FTO: variants seen among roughly 807,000 people sequenced by gnomAD.
The protein encoded by FTO is FTO alpha-ketoglutarate dependent dioxygenase.
A neutral mutation model predicts 63.9 loss-of-function variants in FTO; 47 were observed. The observed-to-expected ratio is 0.74, with a 90% CI of 0.58 to 0.94. The LOEUF is 0.94. Among genes scored for constraint, FTO ranks in the 40% least tolerant of loss-of-function variants. The pLI is 0.00. For missense variants in FTO, 562 were observed against 618.1 expected, an observed-to-expected ratio of 0.91 and a Z score of 0.96; for synonymous variants, 207 against 224.4, an observed-to-expected ratio of 0.92 and a Z score of 0.69.
At chr16:53,826,611 ATG>A in intron 3 of FTO, 120 bp downstream of exon 3, 1 of 912,652 alleles carries the variant, frequency 1.1e-6, no homozygotes, top group Non-Finnish European at 1.8e-6. Context: ...GCGTGTGTAC[ATG>A]CACATGCGTG....
chr16:53,718,065 G>A (rs2075940143), intron 1 of FTO, among the ~76,000 whole-genome samples: 1 of 151,644 alleles, frequency 6.6e-6, no homozygotes, highest in African/African-American at 2.4e-5. Flanking sequence ...CCAGTCTTTT[G>A]GTATTTTAAT....
chr16:54,065,530 A>G (rs1317918544), intron 8 of FTO, among the ~76,000 whole-genome samples: 1 of 152,112 alleles, frequency 6.6e-6, no homozygotes, highest in Non-Finnish European at 1.5e-5. Flanking sequence ...TGTAGTCAGG[A>G]CATCAGATAC....
chr16:53,767,857 A>G (rs532215416), intron 1 of FTO, among the ~76,000 whole-genome samples: 1 of 152,354 alleles, frequency 6.6e-6, no homozygotes, highest in African/African-American at 2.4e-5. Flanking sequence ...ACTGTTTCAT[A>G]TAAAACATTT....
intron 2 of FTO, among the ~76,000 whole-genome samples, 191 bp from the exon 3 acceptor site, chr16:53,825,673 A>G (rs2078985708): frequency 6.6e-6 from 1 of 152,062 alleles, no homozygotes; most frequent in African/African-American, 2.4e-5. Context: ...GAAAATCTTG[A>G]CTTTAGAGTT....
chr16:53,809,433 A>T (rs952225867), intron 1 of FTO, among the ~76,000 whole-genome samples: 1 of 152,156 alleles, frequency 6.6e-6, no homozygotes, highest in Non-Finnish European at 1.5e-5. Context: ...TGATAGTACC[A>T]TAAAAGGATT....
At chr16:53,924,769 T>C (rs2082098227) in intron 7 of FTO, among the ~76,000 whole-genome samples, 1 of 152,166 alleles carries the variant, frequency 6.6e-6, no homozygotes, top group Non-Finnish European at 1.5e-5. Flanking sequence ...GTGTAAACAT[T>C]GGCACCCCCA....
At chr16:54,054,407 C>T (rs1281512865) in intron 8 of FTO, 2 of 152,160 alleles carry the variant, frequency 1.3e-5, no homozygotes, top group East Asian at 3.9e-4. Flanking sequence ...GTGTGTTCAC[C>T]ACACTTCCAA....
At chr16:53,719,900 T>C (rs1392036935) in intron 1 of FTO, among the ~76,000 whole-genome samples, 2 of 152,236 alleles carry the variant, frequency 1.3e-5, no homozygotes, top group Admixed American at 6.5e-5. Context: ...AATGATTTTT[T>C]TCATTTTCTT....
chr16:53,989,321 C>G (rs1304863442), intron 8 of FTO, among the ~76,000 whole-genome samples: 3 of 152,128 alleles, frequency 2.0e-5, no homozygotes, highest in African/African-American at 7.2e-5. Context: ...GGGAAACCTT[C>G]AACCTGGTCA....
At chr16:54,094,890 A>G (rs528434978) in intron 8 of FTO, among the ~76,000 whole-genome samples, 13 of 152,304 alleles carry the variant, frequency 8.5e-5, no homozygotes, top group African/African-American at 3.1e-4. Flanking sequence ...CATAGATCAT[A>G]TCATCCTCCT....
chr16:53,887,584 T>G (rs960350805), intron 6 of FTO, among the ~76,000 whole-genome samples: 3 of 152,226 alleles, frequency 2.0e-5, no homozygotes, highest in Non-Finnish European at 2.9e-5. Flanking sequence ...ATCTGAAATC[T>G]GAGGTGCTCC....
At chr16:53,945,319 G>A (rs1276467558) in intron 8 of FTO, among the ~76,000 whole-genome samples, 1 of 152,210 alleles carries the variant, frequency 6.6e-6, no homozygotes, top group African/African-American at 2.4e-5. Context: ...CTGTGTTCCA[G>A]ACAGAGTTTT....
chr16:53,849,323 C>T (rs2079719419), intron 4 of FTO, among the ~76,000 whole-genome samples: 1 of 152,152 alleles, frequency 6.6e-6, no homozygotes, highest in Non-Finnish European at 1.5e-5. Flanking sequence ...TTTGTAAGTG[C>T]AGACTTGTGA....
At chr16:53,909,751 A>C (rs376537420) in intron 7 of FTO, among the ~76,000 whole-genome samples, 2 of 151,600 alleles carry the variant, frequency 1.3e-5, no homozygotes, top group African/African-American at 4.8e-5. Context: ...TTTGGTAGAG[A>C]CAGGGTTTCA....
intron 7 of FTO, among the ~76,000 whole-genome samples, chr16:53,927,543 A>G (rs1378911028): frequency 6.6e-6 from 1 of 152,152 alleles, no homozygotes; most frequent in African/African-American, 2.4e-5. Context: ...GTCTACAGGG[A>G]ACCCTTAAAG....
At chr16:54,085,468 C>CT (rs1408033512) in intron 8 of FTO, among the ~76,000 whole-genome samples, 1 of 152,138 alleles carries the variant, frequency 6.6e-6, no homozygotes, top group Admixed American at 6.5e-5. Flanking sequence ...TTATCTAGAT[C>CT]TTTCCCTCCT....
intron 7 of FTO, among the ~76,000 whole-genome samples, chr16:53,925,590 T>C (rs942583131): frequency 5.9e-5 from 9 of 152,238 alleles, no homozygotes; most frequent in Admixed American, 3.9e-4. Context: ...AAGTCTGAGT[T>C]TTGGGGTTAC....
intron 7 of FTO, among the ~76,000 whole-genome samples, chr16:53,930,156 A>C (rs1195488388): frequency 3.3e-5 from 5 of 151,944 alleles, no homozygotes; most frequent in Non-Finnish European, 7.4e-5. Flanking sequence ...CTCAGCAAGC[A>C]ACAGTATCTC....
At chr16:53,827,571 G>A (rs2079041129) in intron 3 of FTO, among the ~76,000 whole-genome samples, 1 of 152,106 alleles carries the variant, frequency 6.6e-6, no homozygotes, top group East Asian at 1.9e-4. Context: ...AGAAAAAAAA[G>A]ATCTTTAAAG....
Sources: gnomAD v4.1 joint callset for allele counts (sites outside exome capture counted in the v4.1 genomes callset) on GRCh38, gnomAD v4.1.1 for gene constraint, MANE v1.5 for transcripts, NCBI Gene and HGNC (gene_info 2026-07-23, HGNC 2026-07-21) for gene names.